FAM135A: variants seen among roughly 807,000 people sequenced by gnomAD.
FAM135A encodes the protein family with sequence similarity 135 member A.
Under a neutral mutation model 146.8 loss-of-function variants are expected in FAM135A, and 79 were observed. The ratio of observed to expected loss-of-function variants is 0.54; its 90% CI spans 0.45 to 0.65. The LOEUF (loss-of-function observed/expected upper bound fraction) is 0.65, where lower values mean the gene tolerates loss of function less well. FAM135A is among the 30% of genes least tolerant of loss of function. The probability of loss-of-function intolerance (pLI) is 0.00; values close to 1 mark genes in which losing one functional copy is unlikely to be tolerated. For missense variants in FAM135A, 1,623 were observed against 1,758.2 expected, an observed-to-expected ratio of 0.92 and a Z score of 1.38; for synonymous variants, 562 against 603.6, an observed-to-expected ratio of 0.93 and a Z score of 1.01.
At chr6:70,433,264 C>T (rs1284833617) in intron 4 of FAM135A, among the ~76,000 whole-genome samples, 5 of 151,910 alleles carry the variant, frequency 3.3e-5, no homozygotes, top group African/African-American at 7.2e-5. Context: ...TTATTAAAGA[C>T]GAGGTTTCAC....
intron 12 of FAM135A, among the ~76,000 whole-genome samples, chr6:70,508,428 A>G (rs1790276899): frequency 1.3e-5 from 2 of 152,190 alleles, no homozygotes; most frequent in African/African-American, 2.4e-5. Flanking sequence ...AGTGCTTCCA[A>G]AGATACCTCT....
At chr6:70,427,463 C>T (rs112125066) in intron 3 of FAM135A, among the ~76,000 whole-genome samples, 6,991 of 149,488 alleles carry the variant, frequency 0.047, 358 homozygotes, top group African/African-American at 0.12. Context: ...ACCCCGGAGG[C>T]GGGGATTGCA....
At chr6:70,435,432 A>G (rs1458986039) in intron 4 of FAM135A, among the ~76,000 whole-genome samples, 1 of 152,110 alleles carries the variant, frequency 6.6e-6, no homozygotes, top group African/African-American at 2.4e-5. Flanking sequence ...AATTTTAGTA[A>G]CATCACAAAA....
intron 12 of FAM135A, among the ~76,000 whole-genome samples, chr6:70,510,517 A>G (rs1561941246): frequency 3.9e-5 from 6 of 152,082 alleles, no homozygotes. Flanking sequence ...TTTCATATAA[A>G]TGTAATCATA....
At chr6:70,420,892 T>C (rs1016157974) in intron 2 of FAM135A, among the ~76,000 whole-genome samples, 2 of 152,066 alleles carry the variant, frequency 1.3e-5, no homozygotes, top group African/African-American at 4.8e-5. Context: ...TTTTTTTTTT[T>C]TGTTTTTGGA....
chr6:70,537,085 G>A (rs1364588632), intron 19 of FAM135A, among the ~76,000 whole-genome samples: 6 of 151,976 alleles, frequency 3.9e-5, no homozygotes, highest in East Asian at 1.9e-4. Context: ...ACAGGCATAC[G>A]CCACCATACC....
At chr6:70,456,661 C>T (rs1291646861) in intron 5 of FAM135A, among the ~76,000 whole-genome samples, 1 of 152,154 alleles carries the variant, frequency 6.6e-6, no homozygotes, top group Non-Finnish European at 1.5e-5. Context: ...TGATGTGTTT[C>T]ATTAAAGACT....
At chr6:70,556,673 T>G in intron 20 of FAM135A, 77 bp from the exon 21 acceptor site, 4 of 892,450 alleles carry the variant, frequency 4.5e-6, no homozygotes, top group Non-Finnish European at 6.4e-6. Flanking sequence ...TATTTTTTGG[T>G]CACTTAATAT....
chr6:70,475,877 T>G (rs1442767408), intron 7 of FAM135A, 144 bp downstream of exon 7: 1 of 646,782 alleles, frequency 1.5e-6, no homozygotes, highest in Non-Finnish European at 2.6e-6. Flanking sequence ...TTCATGAGAA[T>G]GATTAGGCCA....
intron 11 of FAM135A, among the ~76,000 whole-genome samples, chr6:70,498,758 T>C (rs1787879352): frequency 6.6e-6 from 1 of 152,226 alleles, no homozygotes; most frequent in Non-Finnish European, 1.5e-5. Context: ...AGGAGCAGGT[T>C]GTTCAGTTTC....
intron 5 of FAM135A, among the ~76,000 whole-genome samples, chr6:70,462,492 G>A (rs1462858166): frequency 1.3e-5 from 2 of 151,968 alleles, no homozygotes; most frequent in Non-Finnish European, 2.9e-5. Context: ...GAAATGGAGG[G>A]AAAAAGGGAA....
intron 12 of FAM135A, among the ~76,000 whole-genome samples, chr6:70,506,198 A>G (rs1056860643): frequency 1.3e-5 from 2 of 152,166 alleles, no homozygotes; most frequent in African/African-American, 4.8e-5. Flanking sequence ...TCTCACTGAC[A>G]TTCTTTTTTT....
intron 18 of FAM135A, chr6:70,535,941 G>A (rs1241228074): frequency 1.2e-5 from 2 of 173,634 alleles, no homozygotes; most frequent in Non-Finnish European, 2.4e-5. Context: ...ACCTAAGAAG[G>A]CAAATATGTA....
chr6:70,441,643 G>T (rs1402839024), intron 4 of FAM135A, among the ~76,000 whole-genome samples: 1 of 151,846 alleles, frequency 6.6e-6, no homozygotes, highest in African/African-American at 2.4e-5. Context: ...ACACATTTTG[G>T]GGTCATTTCT....
intron 5 of FAM135A, among the ~76,000 whole-genome samples, chr6:70,474,655 G>GT (rs1782266086): frequency 6.6e-6 from 1 of 152,156 alleles, no homozygotes; most frequent in Admixed American, 6.6e-5. Flanking sequence ...AGCTTCCGTT[G>GT]TTTTCTCCCC....
intron 20 of FAM135A, among the ~76,000 whole-genome samples, chr6:70,550,635 A>G (rs1016281649): frequency 3.9e-5 from 6 of 152,180 alleles, no homozygotes; most frequent in African/African-American, 1.4e-4. Context: ...TAGAGCACAG[A>G]GTAGATTTCA....
intron 4 of FAM135A, among the ~76,000 whole-genome samples, chr6:70,429,021 C>T (rs1770843593): frequency 6.6e-6 from 1 of 152,044 alleles, no homozygotes; most frequent in South Asian, 2.1e-4. Flanking sequence ...ATAAGAGGTG[C>T]TCTAGGAATC....
In FAM135A at chr6:70,452,432, C is replaced by T. The variant is rs758920697; in HGVS notation, c.78-60C>T. 23 of 1,201,688 alleles carry T rather than the reference C, an allele frequency of 1.9e-5. No individual in the cohort carries two copies. The East Asian group carries it at 2.7e-4, about 14-fold the overall frequency. The allele number at this position is 1,201,688 out of a possible 1,614,324, so 74.4% of individuals were successfully genotyped here. ...TTAATATGGATACAAATGTGGAAGT[C>T]GGGGCATTGCATATTTTTAAATATG... On this transcript the variant is annotated intron_variant, in intron 4 of 21. Transcript: ENST00000418814.
At chr6:70,491,708 T>C (rs1786016423) in intron 11 of FAM135A, among the ~76,000 whole-genome samples, 3 of 151,930 alleles carry the variant, frequency 2.0e-5, no homozygotes, top group Admixed American at 2.0e-4. Context: ...TAGAAAATTA[T>C]ACATACGCAG....
Sources: gnomAD v4.1 joint callset for allele counts (sites outside exome capture counted in the v4.1 genomes callset) on GRCh38, gnomAD v4.1.1 for gene constraint, MANE v1.5 for transcripts, NCBI Gene and HGNC (gene_info 2026-07-23, HGNC 2026-07-21) for gene names.